ANKS1B: variants seen among roughly 807,000 people sequenced by gnomAD.
ANKS1B encodes ankyrin repeat and sterile alpha motif domain-containing protein 1B.
Under a neutral mutation model 148.3 loss-of-function variants are expected in ANKS1B, and 36 were observed. The ratio of observed to expected loss-of-function variants is 0.24; its 90% CI spans 0.19 to 0.32. The LOEUF (loss-of-function observed/expected upper bound fraction) is 0.32, where lower values mean the gene tolerates loss of function less well. Ranked by LOEUF, ANKS1B falls within the 10% of genes least tolerant of loss-of-function variation. The probability of loss-of-function intolerance (pLI) is 1.00; values close to 1 mark genes in which losing one functional copy is unlikely to be tolerated. For synonymous variants in ANKS1B, 542 were observed against 560.8 expected (o/e 0.97, Z 0.47); for missense variants, 1,157 against 1,542.6 (o/e 0.75, Z 4.19).
At chr12:99,465,966 C>T (rs1464519290) in intron 10 of ANKS1B, among the ~76,000 whole-genome samples, 1 of 152,136 alleles carries the variant, frequency 6.6e-6, no homozygotes, top group Non-Finnish European at 1.5e-5. Context: ...ACAGAACTCT[C>T]CACCCCAAAT....
chr12:99,476,194 G>A (rs1478597759), intron 10 of ANKS1B, among the ~76,000 whole-genome samples: 1 of 151,984 alleles, frequency 6.6e-6, no homozygotes, highest in Non-Finnish European at 1.5e-5. Flanking sequence ...GGAGTTCAAG[G>A]CCACCCTGGC....
chr12:99,614,584 A>C (rs1481988078), intron 9 of ANKS1B, among the ~76,000 whole-genome samples: 1 of 151,924 alleles, frequency 6.6e-6, no homozygotes, highest in Non-Finnish European at 1.5e-5. Flanking sequence ...TTCTCAGTAG[A>C]GGATTTCCAC....
At chr12:98,837,268 T>C (rs1012035537) in intron 17 of ANKS1B, among the ~76,000 whole-genome samples, 16 of 136,232 alleles carry the variant, frequency 1.2e-4, no homozygotes, top group Non-Finnish European at 9.3e-5. Flanking sequence ...ACCCGGGAGG[T>C]GGAAGTTGCA....
intron 17 of ANKS1B, among the ~76,000 whole-genome samples, chr12:98,920,293 T>A (rs755415095): frequency 6.6e-6 from 1 of 152,232 alleles, no homozygotes; most frequent in African/African-American, 2.4e-5. Flanking sequence ...ACGCTGCCAA[T>A]TGTTGGTTGA....
chr12:99,966,901 A>T (rs940596134), intron 1 of ANKS1B, among the ~76,000 whole-genome samples: 2 of 152,180 alleles, frequency 1.3e-5, no homozygotes, highest in Admixed American at 6.5e-5. Flanking sequence ...AACAAATACT[A>T]AATCTTTGGT....
chr12:99,963,879 C>T (rs1316373613), intron 1 of ANKS1B, among the ~76,000 whole-genome samples: 1 of 152,126 alleles, frequency 6.6e-6, no homozygotes, highest in African/African-American at 2.4e-5. Flanking sequence ...ACAAGAAAAA[C>T]CTACTTGCTG....
intron 17 of ANKS1B, among the ~76,000 whole-genome samples, chr12:98,961,919 T>C (rs1372496294): frequency 6.7e-6 from 1 of 149,256 alleles, no homozygotes; most frequent in African/African-American, 2.5e-5. Flanking sequence ...AGAAAAAATA[T>C]GCAAAAAATA....
intron 9 of ANKS1B, among the ~76,000 whole-genome samples, chr12:99,586,584 G>A (rs1326364214): frequency 6.6e-6 from 1 of 151,988 alleles, no homozygotes; most frequent in Non-Finnish European, 1.5e-5. Flanking sequence ...ACATTTTTGA[G>A]TATCTTTACG....
intron 17 of ANKS1B, among the ~76,000 whole-genome samples, chr12:98,979,175 G>A (rs995759956): frequency 2.0e-5 from 3 of 151,428 alleles, no homozygotes; most frequent in African/African-American, 7.3e-5. Context: ...ATGAGAAAAA[G>A]TATTTTATAT....
At chr12:99,269,291 T>C (rs1419263803) in intron 12 of ANKS1B, among the ~76,000 whole-genome samples, 1 of 152,222 alleles carries the variant, frequency 6.6e-6, no homozygotes, top group Non-Finnish European at 1.5e-5. Flanking sequence ...CATGGTTACA[T>C]TTATTTAGAG....
chr12:99,394,378 A>C (rs372992137), intron 12 of ANKS1B, among the ~76,000 whole-genome samples: 3 of 151,970 alleles, frequency 2.0e-5, no homozygotes, highest in Non-Finnish European at 4.4e-5. Context: ...TTTCTCCTCC[A>C]TCGTAACTTA....
chr12:99,251,962 A>T (rs1290628781), intron 12 of ANKS1B, among the ~76,000 whole-genome samples: 2 of 152,160 alleles, frequency 1.3e-5, no homozygotes, highest in East Asian at 3.8e-4. Flanking sequence ...TGGTGCCTAC[A>T]TTCCAGCAGA....
chr12:99,599,003 C>G (rs1036966790), intron 9 of ANKS1B, among the ~76,000 whole-genome samples: 1 of 151,914 alleles, frequency 6.6e-6, no homozygotes, highest in Non-Finnish European at 1.5e-5. Context: ...CTGCCAGCAT[C>G]CCCTGGCTTG....
At chr12:99,284,862 A>G (rs2078924181) in intron 12 of ANKS1B, among the ~76,000 whole-genome samples, 1 of 151,996 alleles carries the variant, frequency 6.6e-6, no homozygotes, top group African/African-American at 2.4e-5. Flanking sequence ...CTCCTTCACT[A>G]TTCTCCAGCT....
chr12:99,651,394 C>G (rs112213416), intron 9 of ANKS1B, among the ~76,000 whole-genome samples: 1 of 151,944 alleles, frequency 6.6e-6, no homozygotes, highest in African/African-American at 2.4e-5. Context: ...TCATGTGGTA[C>G]GTAGCCCAGT....
chr12:99,841,008 A>G (rs2085650882), intron 1 of ANKS1B, among the ~76,000 whole-genome samples: 1 of 152,098 alleles, frequency 6.6e-6, no homozygotes, highest in Non-Finnish European at 1.5e-5. Context: ...ATAATGGATA[A>G]AAGCACGGAC....
At position 98,744,561 on chromosome 12, in the gene ANKS1B, G is replaced by A. The variant is rs2097842458; in HGVS notation, c.*1178C>T. The A allele has an allele frequency of 1.6e-6, 1 of 637,900 alleles. No homozygotes were observed. Among genetic ancestry groups the A allele is most frequent in the African/African-American group, 2.0e-5 (1 of 50,398 alleles). 39.5% of individuals were successfully genotyped at this position (637,900 alleles called of 1,614,324 possible). On this transcript the variant is annotated 3_prime_UTR_variant, in exon 27 of 27. Coordinates refer to ENST00000683438, the MANE Select transcript of ANKS1B (RefSeq NM_001352186.2). ...TATGGTATCATACAAATACTCCACA[G>A]AGACATTAAAAAATTAAAATACCTT...
At chr12:99,859,061 T>C (rs887154213) in intron 1 of ANKS1B, among the ~76,000 whole-genome samples, 5 of 152,130 alleles carry the variant, frequency 3.3e-5, no homozygotes, top group Admixed American at 6.6e-5. Flanking sequence ...CTTGTGAGGA[T>C]TGAAGCTTAA....
intron 1 of ANKS1B, among the ~76,000 whole-genome samples, chr12:99,883,776 C>T (rs900482035): frequency 5.3e-5 from 8 of 152,148 alleles, no homozygotes; most frequent in Admixed American, 3.3e-4. Flanking sequence ...ATTAGCCAGG[C>T]GCATTGGCAG....
Sources: gnomAD v4.1 joint callset for allele counts (sites outside exome capture counted in the v4.1 genomes callset) on GRCh38, gnomAD v4.1.1 for gene constraint, MANE v1.5 for transcripts, NCBI Gene and HGNC (gene_info 2026-07-23, HGNC 2026-07-21) for gene names.